CELF2: variants seen among roughly 807,000 people sequenced by gnomAD.
The protein encoded by CELF2 is CUG triplet repeat RNA-binding protein 2.
CELF2 carries 8 observed loss-of-function variants against 62.6 expected under a neutral mutation model. The observed-to-expected ratio is 0.13, with a 90% CI of 0.07 to 0.23. CELF2 has a LOEUF of 0.23. CELF2 is among the 10% of genes least tolerant of loss of function. The probability of loss-of-function intolerance (pLI) is 1.00; values close to 1 mark genes in which losing one functional copy is unlikely to be tolerated. For missense variants in CELF2, 333 were observed against 671.0 expected, an observed-to-expected ratio of 0.50 and a Z score of 5.56; for synonymous variants, 258 against 250.0, an observed-to-expected ratio of 1.03 and a Z score of -0.30.
At chr10:10,688,323 TA>T in the CELF2 span, among the ~76,000 whole-genome samples, 1 of 152,162 alleles carries the variant, frequency 6.6e-6, no homozygotes, top group Non-Finnish European at 1.5e-5. Flanking sequence ...CTTTTCCACA[TA>T]GGGGACAGTG....
intron 2 of CELF2, among the ~76,000 whole-genome samples, chr10:11,194,935 G>C (rs1224557716): frequency 6.6e-6 from 1 of 152,188 alleles, no homozygotes; most frequent in African/African-American, 2.4e-5. Context: ...GGAGTGGAGG[G>C]GAGCTTCATC....
At chr10:11,147,725 A>T (rs1294410296) in intron 1 of CELF2, among the ~76,000 whole-genome samples, 2 of 152,240 alleles carry the variant, frequency 1.3e-5, no homozygotes, top group Non-Finnish European at 2.9e-5. Flanking sequence ...CACACATAAT[A>T]ACGGTTTGCC....
At chr10:10,510,633 G>T in the CELF2 span, among the ~76,000 whole-genome samples, 2 of 152,162 alleles carry the variant, frequency 1.3e-5, no homozygotes, top group Non-Finnish European at 2.9e-5. Flanking sequence ...TAAACAAAAT[G>T]TGTAATGCCC....
the CELF2 span, among the ~76,000 whole-genome samples, chr10:10,671,204 C>CAA: frequency 2.6e-5 from 3 of 115,806 alleles, no homozygotes; most frequent in African/African-American, 6.1e-5. Flanking sequence ...TTATCTGTCT[C>CAA]AAAAAAAAAA....
the CELF2 span, among the ~76,000 whole-genome samples, chr10:10,716,213 C>A: frequency 3.9e-5 from 6 of 152,262 alleles, 1 homozygote; most frequent in South Asian, 8.3e-4. Context: ...TCAAATAGTT[C>A]ATGAAAGTTC....
At chr10:10,800,899 A>G (rs1389747296) in intron 1 of CELF2, among the ~76,000 whole-genome samples, 2 of 152,118 alleles carry the variant, frequency 1.3e-5, no homozygotes, top group Non-Finnish European at 2.9e-5. Flanking sequence ...AAACTGAAAC[A>G]CTTCCTACAA....
chr10:10,793,486 G>A (rs1025315776), upstream of CELF2, among the ~76,000 whole-genome samples: 2 of 152,090 alleles, frequency 1.3e-5, no homozygotes, highest in Non-Finnish European at 2.9e-5. Context: ...AAACATAGCC[G>A]CTACATTAAC....
At chr10:10,545,241 A>G in the CELF2 span, among the ~76,000 whole-genome samples, 13 of 152,212 alleles carry the variant, frequency 8.5e-5, no homozygotes, top group Non-Finnish European at 1.5e-4. Flanking sequence ...GACATGCTCT[A>G]TGGGGATGCG....
chr10:10,880,518 C>T (rs777873119), intron 1 of CELF2, among the ~76,000 whole-genome samples: 26 of 152,202 alleles, frequency 1.7e-4, no homozygotes, highest in African/African-American at 5.5e-4. Context: ...CGGACTGACT[C>T]TTACCCGAGA....
chr10:10,471,470 AT>A, the CELF2 span, among the ~76,000 whole-genome samples: 3 of 151,578 alleles, frequency 2.0e-5, no homozygotes. Context: ...TGTGTTGACC[AT>A]TTTTTTATTA....
chr10:10,962,250 A>G (rs939284619), intron 2 of CELF2, among the ~76,000 whole-genome samples: 2 of 152,178 alleles, frequency 1.3e-5, no homozygotes, highest in Admixed American at 6.5e-5. Flanking sequence ...ACAGCACCAC[A>G]TGGTAGAGGT....
chr10:10,951,229 G>A (rs1176740956), intron 2 of CELF2, among the ~76,000 whole-genome samples: 2 of 151,894 alleles, frequency 1.3e-5, no homozygotes, highest in South Asian at 2.1e-4. Context: ...CAGCAGCCTC[G>A]ACCTTTTGGG....
the CELF2 span, among the ~76,000 whole-genome samples, chr10:10,779,354 C>G: frequency 6.6e-6 from 1 of 152,214 alleles, no homozygotes; most frequent in African/African-American, 2.4e-5. Context: ...TATGAGGACC[C>G]TGCACTTCGC....
At chr10:11,082,144 C>T (rs112647986) in intron 1 of CELF2, among the ~76,000 whole-genome samples, 303 of 152,180 alleles carry the variant, frequency 2.0e-3, no homozygotes, top group African/African-American at 6.7e-3. Flanking sequence ...CCCCTGTCCA[C>T]GCTCACACAG....
At chr10:11,084,136 A>G (rs1444226037) in intron 1 of CELF2, among the ~76,000 whole-genome samples, 1 of 152,256 alleles carries the variant, frequency 6.6e-6, no homozygotes, top group Non-Finnish European at 1.5e-5. Context: ...AGAAGAATTT[A>G]CTATCTTGTT....
chr10:11,253,419 C>T (rs2077724006), intron 4 of CELF2, among the ~76,000 whole-genome samples: 1 of 152,126 alleles, frequency 6.6e-6, no homozygotes, highest in South Asian at 2.1e-4. Flanking sequence ...TGCAAAGCCT[C>T]CATTAAAAAT....
rs956135780 is a variant in CELF2 at position 11,329,321 on chromosome 10, C to T, written c.*268C>T. 23 of 258,114 alleles carry T rather than the reference C, an allele frequency of 8.9e-5. No individual in the cohort carries two copies. Among genetic ancestry groups the T allele is most frequent in the African/African-American group, 5.1e-4 (23 of 44,862 alleles). The allele number at this position is 258,114 out of a possible 1,614,324, so 16.0% of individuals were successfully genotyped here. ...CTCCTTTGTTTTGCGATTTGAATCT[C>T]CTTTTACCTTTTTTTTTAATTTTTT... On this transcript the variant is annotated 3_prime_UTR_variant, in exon 13 of 13. Coordinates refer to ENST00000633077, the MANE Select transcript of CELF2 (RefSeq NM_001326342.2). This position sits in a 1 kb window ranked among gnomAD's most constrained non-coding sequence, Gnocchi z 5.5.
intron 1 of CELF2, among the ~76,000 whole-genome samples, chr10:10,820,857 G>A (rs1451173803): frequency 1.3e-5 from 2 of 152,156 alleles, no homozygotes; most frequent in Non-Finnish European, 2.9e-5. Context: ...TAAGAGATTT[G>A]CATTTCTACA....
intron 1 of CELF2, among the ~76,000 whole-genome samples, chr10:10,817,415 C>T (rs1356726190): frequency 1.3e-5 from 2 of 152,124 alleles, no homozygotes; most frequent in Non-Finnish European, 1.5e-5. Context: ...AGGTCTTATT[C>T]ATTCTTTCTG....
Sources: gnomAD v4.1 joint callset for allele counts (sites outside exome capture counted in the v4.1 genomes callset) on GRCh38, gnomAD v4.1.1 for gene constraint, Gnocchi (gnomAD v3.1) non-coding constraint, MANE v1.5 for transcripts, NCBI Gene and HGNC (gene_info 2026-07-23, HGNC 2026-07-21) for gene names.